The following TTC12 variants were observed in gnomAD, a reference collection of about 807,000 sequenced individuals.
TTC12 encodes tetratricopeptide repeat domain 12, also known as tetratricopeptide repeat protein 12.
In TTC12, 70 loss-of-function variants were observed where a neutral mutation model predicts 90.1. The ratio of observed to expected loss-of-function variants is 0.78; its 90% CI spans 0.64 to 0.95. TTC12 has a LOEUF of 0.95. TTC12 is among the 40% of genes least tolerant of loss of function. The probability of loss-of-function intolerance (pLI) is 0.00; values close to 1 mark genes in which losing one functional copy is unlikely to be tolerated. For synonymous variants in TTC12, 296 were observed against 311.5 expected, an observed-to-expected ratio of 0.95 and a Z score of 0.53; for missense variants, 819 against 846.1, an observed-to-expected ratio of 0.97 and a Z score of 0.40.
Position 113,332,934 on chromosome 11 carries a change from G to T in TTC12, c.505-2032G>T, listed in dbSNP as rs183344372. The stretch of plus-strand genomic sequence containing the variant: ...CCCTTATCATTGATAGTTAGTTGAT[G>T]CTGGTCAGATCTTTCTTTGACATAG... On this transcript the variant is annotated intron_variant, in intron 7 of 21. Coordinates refer to ENST00000529221, the MANE Select transcript of TTC12 (RefSeq NM_017868.4). Among the ~76,000 whole-genome samples the T allele has an allele frequency of 1.2e-4, 18 of 152,244 alleles. No individual in the cohort carries two copies. The East Asian group carries it at 1.9e-3, about 16-fold the overall frequency.
intron 16 of TTC12, among the ~76,000 whole-genome samples, chr11:113,352,919 T>C (rs1442615680): frequency 6.6e-6 from 1 of 152,222 alleles, no homozygotes; most frequent in Non-Finnish European, 1.5e-5. Context: ...AACATATATG[T>C]GCATGTGTCC....
intron 1 of TTC12, chr11:113,315,311 C>CT (rs1946866230): frequency 6.6e-6 from 1 of 152,160 alleles, no homozygotes; most frequent in South Asian, 2.1e-4. Context: ...GGTGAGGACT[C>CT]TGAGGCTCGG....
At chr11:113,342,305 C>T (rs1298182399) in intron 12 of TTC12, among the ~76,000 whole-genome samples, 2 of 152,136 alleles carry the variant, frequency 1.3e-5, no homozygotes, top group Non-Finnish European at 2.9e-5. Context: ...ACAGTCATCC[C>T]TGCCAATATC....
intron 7 of TTC12, among the ~76,000 whole-genome samples, chr11:113,332,965 G>A (rs1164992366): frequency 6.6e-6 from 1 of 152,004 alleles, no homozygotes; most frequent in East Asian, 1.9e-4. Flanking sequence ...CATAGCTCTG[G>A]CATCCTTTCC....
chr11:113,316,188 C>A, intron 1 of TTC12, 55 bp from the exon 2 acceptor site: 1 of 849,278 alleles, frequency 1.2e-6, no homozygotes. Context: ...TAAGCCTGAC[C>A]GTTCTGTTTA....
At chr11:113,349,323 A>T (rs144704729) in intron 13 of TTC12, among the ~76,000 whole-genome samples, 1,570 of 152,306 alleles carry the variant, frequency 0.01, 25 homozygotes, top group African/African-American at 0.036. Flanking sequence ...GGAGACCAGG[A>T]GCTCAGTACT....
chr11:113,369,644 C>A (rs554911948), downstream of TTC12, among the ~76,000 whole-genome samples: 2 of 152,268 alleles, frequency 1.3e-5, no homozygotes, highest in South Asian at 4.2e-4. Context: ...ACTCTTCCTG[C>A]ATGTAAAACA....
intron 12 of TTC12, 86 bp downstream of exon 12, chr11:113,342,011 C>A: frequency 8.4e-7 from 1 of 1,190,268 alleles, no homozygotes; most frequent in Non-Finnish European, 1.3e-6. Flanking sequence ...CCCCAAAGGC[C>A]AGGCCCTGGA....
chr11:113,359,799 G>C (rs1193418912), intron 17 of TTC12, 141 bp from the exon 18 acceptor site: 1 of 656,404 alleles, frequency 1.5e-6, no homozygotes, highest in Non-Finnish European at 2.7e-6. Context: ...AGGAATAAAA[G>C]CAGTAAAAGA....
At position 113,339,344 on chromosome 11, in the gene TTC12, C is replaced by A; in HGVS notation, c.696C>A (p.His232Gln). The A allele has an allele frequency of 6.2e-7, 1 of 1,613,498 alleles. No individual in the cohort carries two copies. Among genetic ancestry groups the A allele is most frequent in the Non-Finnish European group, 8.5e-7 (1 of 1,179,872 alleles). ...EKADLQEKEA[H>Q]ELLDSGKNTA... The stretch of plus-strand genomic sequence containing the variant: ...CAGACCTTCAAGAAAAGGAAGCCCA[C>A]GAACTGCTGGATTCAGGAAAGAACA... The change falls in exon 10 of 22, where the codon CAC becomes CAA. Residue 232 changes from histidine to glutamine, a missense_variant. Coordinates refer to ENST00000529221, the MANE Select transcript of TTC12 (RefSeq NM_017868.4).
At position 113,323,287 on chromosome 11, in the gene TTC12, G is replaced by A. The variant is rs782529412; in HGVS notation, c.59-1G>A. The A allele has an allele frequency of 1.3e-6, 2 of 1,595,766 alleles. No homozygotes were observed. Among genetic ancestry groups the A allele is most frequent in the Admixed American group, 1.8e-5 (1 of 55,710 alleles). On this transcript the variant is annotated splice_acceptor_variant, in intron 2 of 21. Transcript: ENST00000529221. LOFTEE classifies it high-confidence loss of function. ...TAAGTCACACCTGATTTCTTCTCTA[G>A]CCAATTTAATTCAGGAGATGAATTC...
rs144071518 is a variant in TTC12, at chr11:113,317,790, G to A, written c.58+1475G>A. 4.1e-3 allele frequency among the ~76,000 whole-genome samples: 590 copies of A among 145,318 alleles called. 3 individuals carry two copies. Among genetic ancestry groups the A allele is most frequent in the Non-Finnish European group, 5.0e-3 (325 of 64,600 alleles). On this transcript the variant is annotated intron_variant, in intron 2 of 21. Coordinates refer to ENST00000529221, the MANE Select transcript of TTC12 (RefSeq NM_017868.4). ...GCACTGGATCTTTGCCATTCCCACT[G>A]CCTCTTCATCTTTTTTTTTAACCTG...
At chr11:113,323,904 A>G (rs1947515125) in intron 3 of TTC12, 90 bp from the exon 4 acceptor site, 1 of 993,706 alleles carries the variant, frequency 1.0e-6, no homozygotes, top group Non-Finnish European at 1.5e-6. Context: ...TCTTGTTTGT[A>G]ATTGATTTGC....
At chr11:113,362,548 T>G (rs1555155714) in intron 19 of TTC12, 46 bp downstream of exon 19, 4 of 1,276,252 alleles carry the variant, frequency 3.1e-6, no homozygotes, top group Non-Finnish European at 4.6e-6. Flanking sequence ...TACAGAAGTC[T>G]CCTATTTTAT....
intron 18 of TTC12, among the ~76,000 whole-genome samples, 189 bp from the exon 19 acceptor site, chr11:113,362,212 G>T (rs1555155389): frequency 1.3e-5 from 2 of 152,130 alleles, no homozygotes; most frequent in African/African-American, 2.4e-5. Context: ...GTGGCAAGGG[G>T]CTATGATTAC....
rs145338802 is a variant in TTC12, at chr11:113,364,929, C to T, written c.1911C>T (p.Asn637=). Residue 637 remains asparagine, a synonymous_variant, in exon 21 of 22, where the codon AAC becomes AAT. Coordinates refer to ENST00000529221, the MANE Select transcript of TTC12 (RefSeq NM_017868.4). ...LCLGNCMEVP[N]VASSLLKTDL... ...TTGGTAACTGCATGGAGGTGCCCAA[C>T]GTTGCGTCTTCCCTGCTAAAGACGG... is the stretch of plus-strand genomic sequence containing the variant. 4.9e-5 allele frequency: 79 copies of T among 1,614,064 alleles called. 1 individual carries two copies. The South Asian group carries it at 6.0e-4, about 12-fold the overall frequency.
Position 113,325,637 on chromosome 11 carries a change from C to T in TTC12, c.436C>T (p.Arg146Ter), listed in dbSNP as rs782002023. 16 of 1,613,812 alleles carry T rather than the reference C, an allele frequency of 9.9e-6. No individual in the cohort carries two copies. Among genetic ancestry groups the T allele is most frequent in the Admixed American group, 3.3e-5 (2 of 60,014 alleles). The change falls in exon 6 of 22, where the codon CGA (arginine) becomes TGA (stop). Residue 146 changes from arginine (R) to a stop codon, truncating the protein, a stop_gained. Transcript: ENST00000529221. LOFTEE classifies it high-confidence loss of function. ...GGACATGAAAGTGCTGTACACCAAC[C>T]GAGCCCAGGTCAGTGAGGCAGGGAT... is the stretch of plus-strand genomic sequence containing the variant. Reference protein sequence around the residue: ...LKDMKVLYTNRAQAYMKLEDY... With the variant: ...LKDMKVLYTN
At chr11:113,371,995 G>T (rs1245982605) in intron 21 of TTC12, among the ~76,000 whole-genome samples, 1 of 152,144 alleles carries the variant, frequency 6.6e-6, no homozygotes, top group African/African-American at 2.4e-5. Flanking sequence ...GCCCCACCCG[G>T]CCATCCCTAT....
chr11:113,325,495 G>A (rs1414871866), intron 5 of TTC12, 29 bp from the exon 6 acceptor site: 3 of 1,612,366 alleles, frequency 1.9e-6, no homozygotes, highest in Admixed American at 1.7e-5. Flanking sequence ...TGTGGTGAGA[G>A]CTCACCTGTG....
Sources: gnomAD v4.1 joint callset for allele counts (sites outside exome capture counted in the v4.1 genomes callset) on GRCh38, gnomAD v4.1.1 for gene constraint, MANE v1.5 for transcripts, NCBI Gene and HGNC (gene_info 2026-07-23, HGNC 2026-07-21) for gene names.